SLC2A4: variants seen among roughly 807,000 people sequenced by gnomAD.
SLC2A4 encodes solute carrier family 2, facilitated glucose transporter member 4.
Under a neutral mutation model 53.3 loss-of-function variants are expected in SLC2A4, and 31 were observed. The observed-to-expected ratio is 0.58, with a 90% CI of 0.44 to 0.78. The LOEUF (loss-of-function observed/expected upper bound fraction) is 0.78, where lower values mean the gene tolerates loss of function less well. SLC2A4 is among the 30% of genes least tolerant of loss of function. The pLI, the probability that SLC2A4 is intolerant of heterozygous loss-of-function variation, is 0.00. For missense variants in SLC2A4, 538 were observed against 655.7 expected, an observed-to-expected ratio of 0.82 and a Z score of 1.96; for synonymous variants, 276 against 281.9, an observed-to-expected ratio of 0.98 and a Z score of 0.21.
Position 7,281,863 on chromosome 17 carries a change from C to G in SLC2A4, c.-72C>G, listed in dbSNP as rs749175729. ...GCCTCCGCAGGTTCTGCGCTCCAGG[C>G]CGGAGTCAGAGACTCCAGGATCGGT... On this transcript the variant is annotated 5_prime_UTR_variant, in exon 1 of 11. Transcript: ENST00000317370. The G allele has an allele frequency of 2.0e-6, 3 of 1,509,916 alleles. No homozygotes were observed. In the African/African-American group the frequency reaches 4.1e-5, roughly 21 times the overall value. The allele number at this position is 1,509,916 out of a possible 1,614,324, so 93.5% of individuals were successfully genotyped here. A position where few individuals can be genotyped will look rare whatever the true frequency, so the allele number is the denominator to read the frequency against.
Position 7,285,594 on chromosome 17 carries a change from C to T in SLC2A4, c.1123-111C>T. The T allele has an allele frequency of 9.8e-7, 1 of 1,025,498 alleles. No homozygotes were observed. The highest frequency in any genetic ancestry group is 1.5e-6 in the Non-Finnish European group (1 of 663,786). 63.5% of individuals were successfully genotyped at this position (1,025,498 alleles called of 1,614,324 possible). A position where few individuals can be genotyped will look rare whatever the true frequency, so the allele number is the denominator to read the frequency against. On this transcript the variant is annotated intron_variant, in intron 9 of 10. Coordinates refer to ENST00000317370, the MANE Select transcript of SLC2A4 (RefSeq NM_001042.3). This position sits in a 1 kb window ranked among gnomAD's most constrained non-coding sequence, Gnocchi z 6.0. ...GCCTGCTCTAACCCGGGACAGCAGG[C>T]CCCCTACAAGCTGCTGCGGAGGGGG...
Position 7,285,924 on chromosome 17 carries a change from C to A in SLC2A4, c.1326+16C>A. 6.2e-7 allele frequency: 1 copy of A among 1,606,238 alleles called. No individual in the cohort carries two copies. Among genetic ancestry groups the A allele is most frequent in the Non-Finnish European group, 8.5e-7 (1 of 1,174,072 alleles). ...GTATGTTGCGGTAGGTCCCCCCGCC[C>A]CAGCCTCCCACACCGTAGGCCAGAG... On this transcript the variant is annotated intron_variant, in intron 10 of 10. Coordinates refer to ENST00000317370, the MANE Select transcript of SLC2A4 (RefSeq NM_001042.3). The surrounding 1 kb of genome is among the most constrained non-coding windows in gnomAD (Gnocchi z 6.0).
At position 7,284,268 on chromosome 17, in the gene SLC2A4, C is replaced by T. The variant is rs747206475; in HGVS notation, c.616C>T (p.Leu206=). Residue 206 remains leucine, a synonymous_variant, in exon 6 of 11, where the codon CTG becomes TTG. Coordinates refer to ENST00000317370, the MANE Select transcript of SLC2A4 (RefSeq NM_001042.3). This position sits in a 1 kb window ranked among gnomAD's most constrained non-coding sequence, Gnocchi z 7.5. ...CACTGCCAGCCTGTGGCCACTGCTC[C>T]TGGGCCTCACAGTGCTACCTGCCCT... ...LGTASLWPLL[L]GLTVLPALLQ... The T allele has an allele frequency of 6.2e-7, 1 of 1,613,982 alleles. No individual in the cohort carries two copies. Among genetic ancestry groups the T allele is most frequent in the South Asian group, 1.1e-5 (1 of 91,090 alleles).
chr17:7,282,288 G>A lies in SLC2A4; in HGVS notation c.33+321G>A. ...GCCCTCGATCCGACTCGGGAAAGCA[G>A]ATCCAGGCGGGTCTTGCCCTCCGGG... On this transcript the variant is annotated intron_variant, in intron 1 of 10. Coordinates refer to ENST00000317370, the MANE Select transcript of SLC2A4 (RefSeq NM_001042.3). The surrounding 1 kb of genome is among the most constrained non-coding windows in gnomAD (Gnocchi z 4.1). The A allele has an allele frequency of 1.8e-6, 1 of 555,658 alleles. No homozygotes were observed. Among genetic ancestry groups the A allele is most frequent in the Non-Finnish European group, 3.4e-6 (1 of 292,416 alleles). The allele number at this position is 555,658 out of a possible 1,614,324, so 34.4% of individuals were successfully genotyped here. A position where few individuals can be genotyped will look rare whatever the true frequency, so the allele number is the denominator to read the frequency against.
chr17:7,284,061 C>T lies in SLC2A4; in HGVS notation c.536C>T (p.Ala179Val). Residue 179 changes from alanine to valine, a missense_variant, in exon 5 of 11, where the codon GCC becomes GTC. By Grantham distance (64) the Ala-to-Val change is moderately conservative. Coordinates refer to ENST00000317370, the MANE Select transcript of SLC2A4 (RefSeq NM_001042.3). This position sits in a 1 kb window ranked among gnomAD's most constrained non-coding sequence, Gnocchi z 7.5. ...RGALGTLNQLAIVIGILIAQV... is the reference protein window; with the variant it reads ...RGALGTLNQLVIVIGILIAQV... ...GCCCTGGGGACGCTCAACCAACTGG[C>T]CATTGTTATCGGCATTCTGATCGCC... 1 of 1,613,994 alleles carries T rather than the reference C, an allele frequency of 6.2e-7. No individual in the cohort carries two copies. The highest frequency in any genetic ancestry group is 8.5e-7 in the Non-Finnish European group (1 of 1,179,934).
At position 7,284,474 on chromosome 17, in the gene SLC2A4, C is replaced by T. The variant is rs5436; in HGVS notation, c.728-11C>T. On this transcript the variant is annotated splice_polypyrimidine_tract_variant and intron_variant, in intron 6 of 10. Transcript: ENST00000317370. This position sits in a 1 kb window ranked among gnomAD's most constrained non-coding sequence, Gnocchi z 7.5. ...CTCAGGTCCCCTCAGGCCTGACCTT[C>T]CCTTCTCCAGGTCTGAAGCGCCTGA... The T allele has an allele frequency of 4.2e-3, 6,792 of 1,614,256 alleles. 244 individuals are homozygous for T. In the African/African-American group the frequency reaches 0.076, roughly 18 times the overall value.
Position 7,286,570 on chromosome 17 carries a change from G to C in SLC2A4, c.1471G>C (p.Glu491Gln). The change falls in exon 11 of 11, where the codon GAG becomes CAG. Residue 491 changes from glutamate to glutamine, a missense_variant. Transcript: ENST00000317370. ...AAFHRTPSLL[E>Q]QEVKPSTELE... Reference sequence around the variant, plus strand: ...CTTCCACCGGACACCCTCTCTTTTAGAGCAGGAGGTGAAACCCAGCACAGA... The same window carrying C: ...CTTCCACCGGACACCCTCTCTTTTACAGCAGGAGGTGAAACCCAGCACAGA... 1.2e-6 allele frequency: 2 copies of C among 1,614,174 alleles called. No homozygotes were observed. The highest frequency in any genetic ancestry group is 1.7e-6 in the Non-Finnish European group (2 of 1,180,034).
rs35240617 is a variant in SLC2A4, at chr17:7,287,115, GT to G, written c.*515del. ...TGCCACGCAGACTCTGGGCAAAGGGGTTTTTTTTTTTTTTTTTTTTTTTTTT... is the reference window on the plus strand; with the variant it reads ...TGCCACGCAGACTCTGGGCAAAGGGGTTTTTTTTTTTTTTTTTTTTTTTTT... On this transcript the variant is annotated 3_prime_UTR_variant, in exon 11 of 11. Coordinates refer to ENST00000317370, the MANE Select transcript of SLC2A4 (RefSeq NM_001042.3). 0.29 allele frequency: 28,058 copies of G among 97,654 alleles called. 5,516 individuals are homozygous for G. Among genetic ancestry groups the G allele is most frequent in the South Asian group, 0.35 (971 of 2,808 alleles). 6.0% of individuals were successfully genotyped at this position (97,654 alleles called of 1,614,324 possible).
chr17:7,283,735 C>G lies in SLC2A4; in HGVS notation c.324-3C>G. The G allele has an allele frequency of 6.2e-7, 1 of 1,614,058 alleles. No homozygotes were observed. Among genetic ancestry groups the G allele is most frequent in the Non-Finnish European group, 8.5e-7 (1 of 1,180,024 alleles). On this transcript the variant is annotated splice_region_variant and splice_polypyrimidine_tract_variant and intron_variant, in intron 3 of 10. Transcript: ENST00000317370. The surrounding 1 kb of genome is among the most constrained non-coding windows in gnomAD (Gnocchi z 5.8). ...TCACAGCCTCACTCTGTCTGCCTGCCAGGAAAAGGGCCATGCTGGTCAACA... is the reference window on the plus strand; with the variant it reads ...TCACAGCCTCACTCTGTCTGCCTGCGAGGAAAAGGGCCATGCTGGTCAACA...
Position 7,284,728 on chromosome 17 carries a change from G to T in SLC2A4, c.915+56G>T. Reference sequence around the variant, plus strand: ...CAGCCCCGGGAGGGTAGACGAGAGTGGGGAGCAAACCCCCTCCACCAACAC... The same window carrying T: ...CAGCCCCGGGAGGGTAGACGAGAGTTGGGAGCAAACCCCCTCCACCAACAC... On this transcript the variant is annotated intron_variant, in intron 7 of 10. Transcript: ENST00000317370. The surrounding 1 kb of genome is among the most constrained non-coding windows in gnomAD (Gnocchi z 7.5). The T allele has an allele frequency of 6.2e-7, 1 of 1,610,684 alleles. No homozygotes were observed. The highest frequency in any genetic ancestry group is 2.2e-5 in the East Asian group (1 of 44,862).
rs1408099660 is a variant in SLC2A4 at position 7,287,252 on chromosome 17, A to G, written c.*623A>G. ...ATTCTCCTGCCTCAGCCTCCGGAGT[A>G]GCTGGGACTACAGGCGCATGCCACC... On this transcript the variant is annotated 3_prime_UTR_variant, in exon 11 of 11. Transcript: ENST00000317370. 1 of 152,988 alleles carries G rather than the reference A, an allele frequency of 6.5e-6. No homozygotes were observed. The highest frequency in any genetic ancestry group is 1.4e-5 in the Non-Finnish European group (1 of 69,544). 9.5% of individuals were successfully genotyped at this position (152,988 alleles called of 1,614,324 possible). A position where few individuals can be genotyped will look rare whatever the true frequency, so the allele number is the denominator to read the frequency against.
At position 7,285,195 on chromosome 17, in the gene SLC2A4, G is replaced by C. The variant is rs1044508374; in HGVS notation, c.1122+6G>C. The C allele has an allele frequency of 1.3e-6, 2 of 1,589,036 alleles. No individual in the cohort carries two copies. The highest frequency in any genetic ancestry group is 2.7e-5 in the African/African-American group (2 of 74,800). On this transcript the variant is annotated splice_donor_region_variant and intron_variant, in intron 9 of 10. Transcript: ENST00000317370. This position sits in a 1 kb window ranked among gnomAD's most constrained non-coding sequence, Gnocchi z 6.0. Reference sequence around the variant, plus strand: ...CTGTGGCTCTGCTCCTGCTGGTAAGGCCTGGAGGCTAGGAGGGGCTAGCAG... The same window carrying C: ...CTGTGGCTCTGCTCCTGCTGGTAAGCCCTGGAGGCTAGGAGGGGCTAGCAG...
rs1362871461 is a variant in SLC2A4 at position 7,284,660 on chromosome 17, T to TG, written c.905dup (p.Ile303HisfsTer94). On this transcript the variant is annotated frameshift_variant, in exon 7 of 11. Coordinates refer to ENST00000317370, the MANE Select transcript of SLC2A4 (RefSeq NM_001042.3). LOFTEE classifies it high-confidence loss of function. This position sits in a 1 kb window ranked among gnomAD's most constrained non-coding sequence, Gnocchi z 7.5. ...TGCTGCAGCTGAGCCAGCAGCTCTC[T>TG]GGCATCAATGCTGTATGTGTGGAGC... 1 of 1,614,044 alleles carries TG rather than the reference T, an allele frequency of 6.2e-7. No homozygotes were observed. The highest frequency in any genetic ancestry group is 1.7e-5 in the Admixed American group (1 of 60,032).
In SLC2A4 at chr17:7,283,709, C is replaced by T; in HGVS notation, c.324-29C>T. The T allele has an allele frequency of 8.1e-6, 13 of 1,613,962 alleles. No homozygotes were observed. The highest frequency in any genetic ancestry group is 1.1e-5 in the Non-Finnish European group (13 of 1,180,028). On this transcript the variant is annotated intron_variant, in intron 3 of 10. Coordinates refer to ENST00000317370, the MANE Select transcript of SLC2A4 (RefSeq NM_001042.3). The surrounding 1 kb of genome is among the most constrained non-coding windows in gnomAD (Gnocchi z 5.8). ...GGAGCCACTGCTGGGTGCCCTCACC[C>T]TCACAGCCTCACTCTGTCTGCCTGC...
Position 7,286,626 on chromosome 17 carries a change from C to G in SLC2A4, c.1527C>G (p.Asp509Glu), listed in dbSNP as rs781101405. Residue 509 changes from aspartate (D) to glutamate (E), a missense_variant, in exon 11 of 11, where the codon GAC (aspartate) becomes GAG (glutamate). Transcript: ENST00000317370. ...AGTATTTAGGGCCAGATGAGAACGA[C>G]TGAGGGGCCAGGCAGGGGTGGGAGA... The part of the protein sequence containing the change: ...ELEYLGPDEN[D>E] 1 of 1,614,060 alleles carries G rather than the reference C, an allele frequency of 6.2e-7. No individual in the cohort carries two copies. The highest frequency in any genetic ancestry group is 8.5e-7 in the Non-Finnish European group (1 of 1,179,928).
chr17:7,281,913 C>G lies in SLC2A4; in HGVS notation c.-22C>G. 2 of 1,598,936 alleles carry G rather than the reference C, an allele frequency of 1.3e-6. No individual in the cohort carries two copies. Among genetic ancestry groups the G allele is most frequent in the Non-Finnish European group, 1.7e-6 (2 of 1,172,448 alleles). ...TTCTTTCATCTTCGCCGCCCCTGCG[C>G]GTCCAGCTCTTCTAAGACGAGATGC... is the stretch of plus-strand genomic sequence containing the variant. On this transcript the variant is annotated 5_prime_UTR_variant, in exon 1 of 11. Transcript: ENST00000317370.
Position 7,282,047 on chromosome 17 carries a change from T to C in SLC2A4, c.33+80T>C. ...GGCTGGGGTCGCGGTTGGGGTCAGCTGGGGGTGGTTCCTGCGCAGGCGCAG... is the reference window on the plus strand; with the variant it reads ...GGCTGGGGTCGCGGTTGGGGTCAGCCGGGGGTGGTTCCTGCGCAGGCGCAG... On this transcript the variant is annotated intron_variant, in intron 1 of 10. Transcript: ENST00000317370. This position sits in a 1 kb window ranked among gnomAD's most constrained non-coding sequence, Gnocchi z 4.1. 1.8e-6 allele frequency: 2 copies of C among 1,122,018 alleles called. No individual in the cohort carries two copies. Among genetic ancestry groups the C allele is most frequent in the Non-Finnish European group, 2.6e-6 (2 of 769,906 alleles). 69.5% of individuals were successfully genotyped at this position (1,122,018 alleles called of 1,614,324 possible). A position where few individuals can be genotyped will look rare whatever the true frequency, so the allele number is the denominator to read the frequency against.
Position 7,283,666 on chromosome 17 carries a change from G to T in SLC2A4, c.323+21G>T. On this transcript the variant is annotated intron_variant, in intron 3 of 10. Transcript: ENST00000317370. This position sits in a 1 kb window ranked among gnomAD's most constrained non-coding sequence, Gnocchi z 5.8. ...GGAAGGTTCGCAGCTGGAGGGCAGG[G>T]GTGGGGGAAACAGGAAGGGAGCCAC... is the stretch of plus-strand genomic sequence containing the variant. 1.2e-6 allele frequency: 2 copies of T among 1,613,960 alleles called. No homozygotes were observed.
Position 7,282,498 on chromosome 17 carries a change from C to T in SLC2A4, c.33+531C>T, listed in dbSNP as rs1016913793. The T allele has an allele frequency of 2.3e-5, 10 of 430,318 alleles. No homozygotes were observed. The highest frequency in any genetic ancestry group is 6.1e-5 in the African/African-American group (3 of 49,396). 26.7% of individuals were successfully genotyped at this position (430,318 alleles called of 1,614,324 possible). A position where few individuals can be genotyped will look rare whatever the true frequency, so the allele number is the denominator to read the frequency against. The stretch of plus-strand genomic sequence containing the variant: ...GCTCAGGTTTCCGCTTGGAGACAGT[C>T]TGTGCCGCCAGCGAGCGGCCACCAC... On this transcript the variant is annotated intron_variant, in intron 1 of 10. Transcript: ENST00000317370. This position sits in a 1 kb window ranked among gnomAD's most constrained non-coding sequence, Gnocchi z 4.1.
Sources: allele counts gnomAD v4.1 joint callset, GRCh38; gene constraint gnomAD v4.1.1; non-coding constraint Gnocchi (gnomAD v3.1); transcripts MANE v1.5; gene names NCBI Gene and HGNC (gene_info 2026-07-23, HGNC 2026-07-21).